Variants in FBXO36 observed in about 807,000 individuals in gnomAD.
FBXO36 encodes the protein F-box protein 36.
Under a neutral mutation model 17.0 loss-of-function variants are expected in FBXO36, and 18 were observed. The ratio of observed to expected loss-of-function variants is 1.06; its 90% CI spans 0.73 to 1.57. The LOEUF is 1.57. Ranked by LOEUF, FBXO36 falls within the 40% of genes most tolerant of loss-of-function variation. FBXO36 has a pLI of 0.00. For missense variants in FBXO36, 229 were observed against 221.9 expected, an observed-to-expected ratio of 1.03 and a Z score of -0.20; for synonymous variants, 83 against 85.3, an observed-to-expected ratio of 0.97 and a Z score of 0.15.
At chr2:229,986,266 G>A (rs556244782) in intron 2 of FBXO36, among the ~76,000 whole-genome samples, 67 of 152,174 alleles carry the variant, frequency 4.4e-4, no homozygotes, top group African/African-American at 1.5e-3. Flanking sequence ...TTGGGAGGCC[G>A]AGGCTGGAGG....
At chr2:229,992,941 A>G (rs151170095) in intron 2 of FBXO36, among the ~76,000 whole-genome samples, 344 of 152,292 alleles carry the variant, frequency 2.3e-3, no homozygotes, top group African/African-American at 7.9e-3. Context: ...GGACCTCTCC[A>G]TAGTGCTGCT....
At chr2:229,993,832 A>G (rs183968574) in intron 2 of FBXO36, among the ~76,000 whole-genome samples, 117 of 152,134 alleles carry the variant, frequency 7.7e-4, no homozygotes, top group Non-Finnish European at 1.1e-3. Flanking sequence ...GTGCAGTGGC[A>G]CGATCTCAGC....
chr2:229,950,431 T>C (rs1560437488), intron 1 of FBXO36, among the ~76,000 whole-genome samples: 2 of 151,310 alleles, frequency 1.3e-5, no homozygotes, highest in African/African-American at 2.4e-5. Flanking sequence ...ATCTCAAAAA[T>C]AAATAAATAA....
chr2:229,943,791 CTGTT>C (rs915655087), intron 1 of FBXO36, among the ~76,000 whole-genome samples: 28 of 152,154 alleles, frequency 1.8e-4, no homozygotes, highest in African/African-American at 6.8e-4. Flanking sequence ...GTAGCAGTGT[CTGTT>C]TGCTGAATGA....
intron 3 of FBXO36, among the ~76,000 whole-genome samples, chr2:230,009,488 T>C (rs1164427566): frequency 1.3e-5 from 2 of 152,186 alleles, no homozygotes; most frequent in African/African-American, 2.4e-5. Context: ...CAAAAGTTAA[T>C]AGAAGAATAG....
chr2:229,965,610 TGAG>T (rs2077148147), intron 1 of FBXO36, among the ~76,000 whole-genome samples: 1 of 148,406 alleles, frequency 6.7e-6, no homozygotes, highest in South Asian at 2.2e-4. Flanking sequence ...CACCTATGAG[TGAG>T]AACATGCGGT....
rs1323433877 is a variant in FBXO36, at chr2:230,011,525, A to T, written c.*641A>T. 1 of 151,876 alleles carries T rather than the reference A, an allele frequency of 6.6e-6. No homozygotes were observed. Among genetic ancestry groups the T allele is most frequent in the Non-Finnish European group, 1.5e-5 (1 of 68,014 alleles). 9.4% of individuals were successfully genotyped at this position (151,876 alleles called of 1,614,324 possible). ...AGAAGTGCAGGCATCCTGCTTGCGG[A>T]CCTTGCTCAAAGTACAACTTCCCAG... On this transcript the variant is annotated 3_prime_UTR_variant, in exon 4 of 4. Coordinates refer to ENST00000283946, the MANE Select transcript of FBXO36 (RefSeq NM_174899.5).
chr2:230,010,560 C>T, intron 3 of FBXO36, 136 bp from the exon 4 acceptor site: 1 of 705,080 alleles, frequency 1.4e-6, no homozygotes, highest in South Asian at 2.5e-5. Context: ...CTGTTTTCCT[C>T]AAAGAGGAGG....
intron 2 of FBXO36, among the ~76,000 whole-genome samples, chr2:229,995,627 T>C (rs1182246010): frequency 6.9e-6 from 1 of 144,628 alleles, no homozygotes; most frequent in Non-Finnish European, 1.5e-5. Flanking sequence ...AATTTCGCTC[T>C]TGTTGCACAG....
At chr2:229,987,402 AT>A (rs1448812458) in intron 2 of FBXO36, among the ~76,000 whole-genome samples, 1 of 151,730 alleles carries the variant, frequency 6.6e-6, no homozygotes, top group Non-Finnish European at 1.5e-5. Flanking sequence ...GGTAATTTAC[AT>A]TTTCTCTAAT....
intron 1 of FBXO36, among the ~76,000 whole-genome samples, chr2:229,960,497 G>T (rs911389269): frequency 6.6e-6 from 1 of 151,630 alleles, no homozygotes; most frequent in African/African-American, 2.4e-5. Context: ...TGGGCGGGGG[G>T]GCGGTGGTGT....
Position 229,979,050 on chromosome 2 carries a change from G to A in FBXO36, c.205+2701G>A, listed in dbSNP as rs1228249819. On this transcript the variant is annotated intron_variant, in intron 2 of 3. Coordinates refer to ENST00000283946, the MANE Select transcript of FBXO36 (RefSeq NM_174899.5). ...AAATTAGCCGGGCGTGGGGGCAGGC[G>A]CCTGTAATCCCTGCTGCTCGGGAGG... Among the ~76,000 whole-genome samples the A allele has an allele frequency of 2.0e-5, 3 of 151,638 alleles. 1 individual carries two copies. The highest frequency in any genetic ancestry group is 4.2e-4 in the South Asian group (2 of 4,798).
At chr2:229,981,794 A>T (rs896345580) in intron 2 of FBXO36, among the ~76,000 whole-genome samples, 6 of 152,148 alleles carry the variant, frequency 3.9e-5, no homozygotes, top group African/African-American at 1.4e-4. Context: ...GTCTGTTCTC[A>T]CATTGCTATA....
chr2:229,953,723 AGGAG>A (rs2077069597), intron 1 of FBXO36, among the ~76,000 whole-genome samples: 1 of 151,956 alleles, frequency 6.6e-6, no homozygotes, highest in Non-Finnish European at 1.5e-5. Flanking sequence ...GGAAGGAGAG[AGGAG>A]GGAAAAGGAG....
chr2:229,954,234 A>ATTTTTTTTTTTTTTTTTTTT (rs60093081), intron 1 of FBXO36, among the ~76,000 whole-genome samples: 857 of 71,390 alleles, frequency 0.012, 240 homozygotes, highest in Non-Finnish European at 0.017. Flanking sequence ...AACCCTTTGG[A>ATTTTTTTTTTTTTTTTTTTT]TTTTTTTTTT....
rs146810142 is a variant in FBXO36 at position 229,985,837 on chromosome 2, C to T, written c.205+9488C>T. Among the ~76,000 whole-genome samples the T allele has an allele frequency of 1.7e-3, 265 of 151,832 alleles. 1 individual carries two copies. The highest frequency in any genetic ancestry group is 5.7e-3 in the African/African-American group (236 of 41,372). ...GCAAAGGTGGGAGGACTGCCTGAGCCCAGGGGTTCAAGACCAGCCTGGGCA... is the reference window on the plus strand; with the variant it reads ...GCAAAGGTGGGAGGACTGCCTGAGCTCAGGGGTTCAAGACCAGCCTGGGCA... On this transcript the variant is annotated intron_variant, in intron 2 of 3. Transcript: ENST00000283946.
intron 2 of FBXO36, among the ~76,000 whole-genome samples, chr2:229,992,930 T>C (rs1032062824): frequency 1.3e-5 from 2 of 152,190 alleles, no homozygotes; most frequent in Admixed American, 1.3e-4. Flanking sequence ...TCTTGTCTCA[T>C]GGACCTCTCC....
chr2:229,986,861 C>A (rs2077271121), intron 2 of FBXO36, among the ~76,000 whole-genome samples: 2 of 151,902 alleles, frequency 1.3e-5, no homozygotes, highest in Admixed American at 1.3e-4. Context: ...TGCATTGTAT[C>A]CTGTAGCTTG....
intron 1 of FBXO36, among the ~76,000 whole-genome samples, chr2:229,944,761 T>A (rs6720609): frequency 0.014 from 2,135 of 151,502 alleles, 53 homozygotes; most frequent in African/African-American, 0.048. Context: ...CCCGGCTAAT[T>A]TTTTTGTATT....
Sources: allele counts gnomAD v4.1 joint callset (sites outside exome capture counted in the v4.1 genomes callset), GRCh38; gene constraint gnomAD v4.1.1; transcripts MANE v1.5; gene names NCBI Gene and HGNC (gene_info 2026-07-23, HGNC 2026-07-21).